SLC4A10: variants seen among roughly 807,000 people sequenced by gnomAD.
SLC4A10 encodes sodium-driven chloride bicarbonate exchanger.
SLC4A10 carries 42 observed loss-of-function variants against 137.7 expected under a neutral mutation model. The ratio of observed to expected loss-of-function variants is 0.30; its 90% CI spans 0.24 to 0.39. SLC4A10 has a LOEUF of 0.39. Ranked by LOEUF, SLC4A10 falls within the 10% of genes least tolerant of loss-of-function variation. SLC4A10 has a pLI of 1.00. For synonymous variants in SLC4A10, 474 were observed against 464.1 expected, an observed-to-expected ratio of 1.02 and a Z score of -0.27; for missense variants, 925 against 1,355.0, an observed-to-expected ratio of 0.68 and a Z score of 4.98.
At chr2:161,657,745 T>C (rs954077434) in intron 1 of SLC4A10, among the ~76,000 whole-genome samples, 1 of 152,030 alleles carries the variant, frequency 6.6e-6, no homozygotes, top group Admixed American at 6.6e-5. Context: ...ATTAAAGAGA[T>C]AGCTTAAAAA....
chr2:161,831,065 G>C (rs1159437501), intron 3 of SLC4A10, among the ~76,000 whole-genome samples: 1 of 152,100 alleles, frequency 6.6e-6, no homozygotes, highest in Non-Finnish European at 1.5e-5. Context: ...GGAAGAGCAT[G>C]ATATTTTTAA....
intron 1 of SLC4A10, among the ~76,000 whole-genome samples, chr2:161,634,957 A>C (rs1454255377): frequency 6.6e-6 from 1 of 152,070 alleles, no homozygotes; most frequent in African/African-American, 2.4e-5. Flanking sequence ...AGACTTCAAA[A>C]GTTTTGTAGA....
At chr2:161,918,984 GC>G (rs1687642398) in intron 15 of SLC4A10, among the ~76,000 whole-genome samples, 1 of 152,180 alleles carries the variant, frequency 6.6e-6, no homozygotes, top group South Asian at 2.1e-4. Context: ...GGCCTGGAAA[GC>G]CCCCTCCCCC....
At chr2:161,626,388 T>G (rs886086843) in intron 1 of SLC4A10, among the ~76,000 whole-genome samples, 9 of 152,124 alleles carry the variant, frequency 5.9e-5, no homozygotes, top group Non-Finnish European at 1.3e-4. Context: ...AAAATACAAG[T>G]CTTTCCTGAA....
chr2:161,774,098 A>G (rs2052017580), intron 2 of SLC4A10, among the ~76,000 whole-genome samples: 1 of 151,836 alleles, frequency 6.6e-6, no homozygotes, highest in Non-Finnish European at 1.5e-5. Context: ...TTCCTGCAAT[A>G]AAAACGGTGA....
intron 1 of SLC4A10, among the ~76,000 whole-genome samples, chr2:161,674,959 A>G (rs188312050): frequency 2.8e-4 from 42 of 152,360 alleles, no homozygotes; most frequent in Non-Finnish European, 5.3e-4. Context: ...CTCAAAATGT[A>G]CAAACATCTA....
intron 23 of SLC4A10, among the ~76,000 whole-genome samples, chr2:161,972,477 C>T (rs1295567710): frequency 6.6e-6 from 1 of 152,088 alleles, no homozygotes; most frequent in Non-Finnish European, 1.5e-5. Context: ...AATTTCAAAC[C>T]AATGGTAATC....
At chr2:161,913,129 C>T (rs1376238097) in intron 15 of SLC4A10, among the ~76,000 whole-genome samples, 1 of 152,072 alleles carries the variant, frequency 6.6e-6, no homozygotes, top group Non-Finnish European at 1.5e-5. Context: ...ATATGTATGT[C>T]TATGTAACTG....
At chr2:161,774,949 G>T (rs1479522159) in intron 2 of SLC4A10, among the ~76,000 whole-genome samples, 1 of 151,838 alleles carries the variant, frequency 6.6e-6, no homozygotes, top group Non-Finnish European at 1.5e-5. Context: ...TTGGTAGTTG[G>T]CAGGAGCACC....
intron 1 of SLC4A10, among the ~76,000 whole-genome samples, chr2:161,704,352 T>G (rs904530500): frequency 1.3e-5 from 2 of 151,660 alleles, no homozygotes; most frequent in African/African-American, 4.8e-5. Flanking sequence ...AAGGAATGAT[T>G]TTTTCAAAGT....
At chr2:161,972,330 C>G (rs1698680681) in intron 23 of SLC4A10, among the ~76,000 whole-genome samples, 1 of 152,162 alleles carries the variant, frequency 6.6e-6, no homozygotes, top group Non-Finnish European at 1.5e-5. Flanking sequence ...GATACATATG[C>G]TCTGCCCCTG....
chr2:161,884,406 C>T (rs538567801), intron 10 of SLC4A10, among the ~76,000 whole-genome samples: 83 of 152,222 alleles, frequency 5.5e-4, no homozygotes, highest in African/African-American at 1.7e-3. Flanking sequence ...AGATTTTTCT[C>T]GACAGAAAGA....
intron 10 of SLC4A10, among the ~76,000 whole-genome samples, chr2:161,886,926 T>C (rs2062367600): frequency 6.6e-6 from 1 of 152,134 alleles, no homozygotes; most frequent in Non-Finnish European, 1.5e-5. Context: ...TTTCTCCTAA[T>C]GCTATCTCTC....
intron 1 of SLC4A10, among the ~76,000 whole-genome samples, chr2:161,676,075 T>G (rs2040246170): frequency 6.6e-6 from 1 of 152,206 alleles, no homozygotes; most frequent in African/African-American, 2.4e-5. Context: ...TTTAAAGTGT[T>G]CCAGGAATCA....
intron 4 of SLC4A10, among the ~76,000 whole-genome samples, chr2:161,841,716 T>A (rs1292628393): frequency 6.6e-6 from 1 of 152,230 alleles, no homozygotes; most frequent in Non-Finnish European, 1.5e-5. Flanking sequence ...AACTAGTTTA[T>A]CCTTATTAAC....
chr2:161,909,674 C>G (rs1045697347), intron 15 of SLC4A10, among the ~76,000 whole-genome samples: 1 of 152,118 alleles, frequency 6.6e-6, no homozygotes, highest in African/African-American at 2.4e-5. Flanking sequence ...ATTTCTATCA[C>G]TTGCTCCTTG....
chr2:161,876,158 T>G lies in SLC4A10; in HGVS notation c.948+2153T>G, dbSNP rs369343155. Among the ~76,000 whole-genome samples, 9 of 152,190 alleles carry G rather than the reference T, an allele frequency of 5.9e-5. No homozygotes were observed. In the East Asian group the frequency reaches 9.7e-4, roughly 16 times the overall value. On this transcript the variant is annotated intron_variant, in intron 8 of 26. Coordinates refer to ENST00000446997, the MANE Select transcript of SLC4A10 (RefSeq NM_001178015.2). The stretch of plus-strand genomic sequence containing the variant: ...GGTCTGGGCAGCCCAGAAGCATGAG[T>G]GTAAATACAGACCCAGAAGAGTATA...
At chr2:161,866,473 T>G (rs2060758983) in intron 6 of SLC4A10, among the ~76,000 whole-genome samples, 1 of 151,998 alleles carries the variant, frequency 6.6e-6, no homozygotes, top group African/African-American at 2.4e-5. Flanking sequence ...TCACCATGCA[T>G]TTTTAATGCC....
At chr2:161,927,200 C>G (rs1423476307) in intron 15 of SLC4A10, among the ~76,000 whole-genome samples, 1 of 152,188 alleles carries the variant, frequency 6.6e-6, no homozygotes, top group Non-Finnish European at 1.5e-5. Context: ...GTACACCAAT[C>G]GGACGTAGAT....
Sources: gnomAD v4.1 joint callset for allele counts (sites outside exome capture counted in the v4.1 genomes callset) on GRCh38, gnomAD v4.1.1 for gene constraint, MANE v1.5 for transcripts, NCBI Gene and HGNC (gene_info 2026-07-23, HGNC 2026-07-21) for gene names.